The following PCSK6 variants were observed in gnomAD, a reference collection of about 807,000 sequenced individuals.
PCSK6 encodes the protein paired basic amino acid cleaving enzyme 4.
In PCSK6, 85 loss-of-function variants were observed where a neutral mutation model predicts 123.3. The ratio of observed to expected loss-of-function variants is 0.69; its 90% CI spans 0.58 to 0.83. PCSK6 has a LOEUF of 0.83. Ranked by LOEUF, PCSK6 falls within the 40% of genes least tolerant of loss-of-function variation. The probability of loss-of-function intolerance (pLI) is 0.00; values close to 1 mark genes in which losing one functional copy is unlikely to be tolerated. For missense variants in PCSK6, 1,191 were observed against 1,282.3 expected, an observed-to-expected ratio of 0.93 and a Z score of 1.09; for synonymous variants, 508 against 516.0, an observed-to-expected ratio of 0.98 and a Z score of 0.21.
intron 6 of PCSK6, among the ~76,000 whole-genome samples, chr15:101,409,929 T>A (rs1002456118): frequency 6.6e-6 from 1 of 152,092 alleles, no homozygotes; most frequent in African/African-American, 2.4e-5. Context: ...GCCTTCACAC[T>A]TTTTTGTTTG....
At chr15:101,316,910 G>GGTTTTTTTT (rs764846195) in intron 19 of PCSK6, among the ~76,000 whole-genome samples, 6 of 114,972 alleles carry the variant, frequency 5.2e-5, no homozygotes, top group Admixed American at 4.4e-4. Flanking sequence ...ACTTAATTCT[G>GGTTTTTTTT]TTTTTTTTTT....
intron 8 of PCSK6, among the ~76,000 whole-genome samples, chr15:101,391,659 G>A (rs372699758): frequency 3.3e-5 from 5 of 152,312 alleles, no homozygotes; most frequent in South Asian, 4.1e-4. Context: ...GAATGCAGGC[G>A]GACAGGGTTG....
chr15:101,307,266 G>A lies in PCSK6; in HGVS notation c.2759C>T (p.Thr920Met), dbSNP rs978131913. 13 of 1,613,710 alleles carry A rather than the reference G, an allele frequency of 8.1e-6. No homozygotes were observed. The highest frequency in any genetic ancestry group is 3.3e-5 in the Admixed American group (2 of 59,994). The change falls in exon 21 of 22, where the codon ACG (threonine) becomes ATG (methionine). Residue 920 changes from threonine to methionine, a missense_variant. Thr to Met is a moderately conservative substitution (Grantham distance 81). Coordinates refer to ENST00000611716, the MANE Select transcript of PCSK6 (RefSeq NM_002570.5). The part of the protein sequence containing the change: ...GSSRNCSRCK[T>M]GFTQLGTSCI... ...GGAGGTCCCCAGCTGTGTGAAGCCCGTCTTACACCTGCTACAGTTCCTGCT... is the reference window on the plus strand; with the variant it reads ...GGAGGTCCCCAGCTGTGTGAAGCCCATCTTACACCTGCTACAGTTCCTGCT...
chr15:101,387,203 C>T (rs2042089403), intron 9 of PCSK6, among the ~76,000 whole-genome samples: 2 of 152,222 alleles, frequency 1.3e-5, no homozygotes, highest in Admixed American at 1.3e-4. Context: ...TCCTGCGGCC[C>T]ACACGCCAAC....
At position 101,403,853 on chromosome 15, in the gene PCSK6, G is replaced by T. The variant is rs562115989; in HGVS notation, c.824-5277C>A. Among the ~76,000 whole-genome samples the T allele has an allele frequency of 2.5e-3, 388 of 152,258 alleles. 1 individual carries two copies. Among genetic ancestry groups the T allele is most frequent in the African/African-American group, 8.8e-3 (364 of 41,546 alleles). ...TCCTGCCTCAGCCAACCAAGTAGCTGGGATTACAGGCGCCCGCCACCACAC... is the reference window on the plus strand; with the variant it reads ...TCCTGCCTCAGCCAACCAAGTAGCTTGGATTACAGGCGCCCGCCACCACAC... On this transcript the variant is annotated intron_variant, in intron 6 of 21. Coordinates refer to ENST00000611716, the MANE Select transcript of PCSK6 (RefSeq NM_002570.5).
At chr15:101,357,925 A>C (rs1036485892) in intron 13 of PCSK6, among the ~76,000 whole-genome samples, 1 of 152,168 alleles carries the variant, frequency 6.6e-6, no homozygotes, top group African/African-American at 2.4e-5. Flanking sequence ...ATCCTCCCAG[A>C]GGCAGCAGGC....
chr15:101,423,016 C>A (rs1001596514), intron 6 of PCSK6, among the ~76,000 whole-genome samples: 8 of 152,014 alleles, frequency 5.3e-5, no homozygotes, highest in African/African-American at 1.9e-4. Context: ...TAGACATATG[C>A]AAAGAAAGAG....
chr15:101,364,300 A>C (rs904252449), intron 13 of PCSK6, among the ~76,000 whole-genome samples: 3 of 152,198 alleles, frequency 2.0e-5, no homozygotes, highest in Non-Finnish European at 4.4e-5. Context: ...CACATTCTGT[A>C]AACGTTACTA....
At chr15:101,389,421 C>T in intron 9 of PCSK6, 43 bp downstream of exon 9, 2 of 1,405,372 alleles carry the variant, frequency 1.4e-6, no homozygotes, top group Non-Finnish European at 1.9e-6. Context: ...TTACCACAAT[C>T]TAAACATTTT....
intron 11 of PCSK6, among the ~76,000 whole-genome samples, chr15:101,372,658 GGGTACGT>G (rs1206325431): frequency 6.6e-6 from 1 of 152,142 alleles, no homozygotes; most frequent in African/African-American, 2.4e-5. Flanking sequence ...AATGTAAGGT[GGGTACGT>G]TAGGGAGAAG....
At chr15:101,325,092 C>G in intron 16 of PCSK6, 46 bp from the exon 17 acceptor site, 1 of 1,448,884 alleles carries the variant, frequency 6.9e-7, no homozygotes, top group Non-Finnish European at 9.4e-7. Flanking sequence ...CAACCCAGCC[C>G]CAGCCCCAGG....
chr15:101,325,827 C>A (rs549761407), intron 16 of PCSK6, among the ~76,000 whole-genome samples: 21 of 152,366 alleles, frequency 1.4e-4, no homozygotes, highest in Non-Finnish European at 2.6e-4. Flanking sequence ...AACCGGGCAA[C>A]TGGCCATATA....
At position 101,384,354 on chromosome 15, in the gene PCSK6, C is replaced by T. The variant is rs2041998359; in HGVS notation, c.1382G>A (p.Ser461Asn). 1.9e-6 allele frequency: 3 copies of T among 1,613,886 alleles called. No individual in the cohort carries two copies. The African/African-American group carries it at 4.0e-5, about 22-fold the overall frequency. ...KTSRPAHLKA[S>N]DWKVNGAGHK... Reference sequence around the variant, plus strand: ...ACCCGCGCCGTTCACTTTCCAGTCGCTCGCTTTCAGGTGGGCCGGCCGGGA... The same window carrying T: ...ACCCGCGCCGTTCACTTTCCAGTCGTTCGCTTTCAGGTGGGCCGGCCGGGA... The change falls in exon 10 of 22, where the codon AGC (serine) becomes AAC (asparagine). Residue 461 changes from serine (S) to asparagine (N), a missense_variant. Around this residue, in one of 3 missense-constraint regions of PCSK6, gnomAD observed 357 missense variants for 484.5 expected, o/e 0.74. Coordinates refer to ENST00000611716, the MANE Select transcript of PCSK6 (RefSeq NM_002570.5).
At chr15:101,396,110 G>A (rs765253995) in intron 7 of PCSK6, among the ~76,000 whole-genome samples, 3 of 152,044 alleles carry the variant, frequency 2.0e-5, no homozygotes, top group Non-Finnish European at 4.4e-5. Context: ...AGACAGTTGC[G>A]ATTTAAGGTT....
Position 101,307,279 on chromosome 15 carries a change from T to C in PCSK6, c.2746A>G (p.Ser916Gly), listed in dbSNP as rs1431266648. The C allele has an allele frequency of 6.2e-7, 1 of 1,613,788 alleles. No homozygotes were observed. Among genetic ancestry groups the C allele is most frequent in the African/African-American group, 1.3e-5 (1 of 75,034 alleles). The part of the protein sequence containing the change: ...LSCAGSSRNC[S>G]RCKTGFTQLG... ...TGTGTGAAGCCCGTCTTACACCTGCTACAGTTCCTGCTGGAGCCTGCACAG... is the reference window on the plus strand; with the variant it reads ...TGTGTGAAGCCCGTCTTACACCTGCCACAGTTCCTGCTGGAGCCTGCACAG... The change falls in exon 21 of 22, where the codon AGC (serine) becomes GGC (glycine). Residue 916 changes from serine (S) to glycine (G), a missense_variant. Transcript: ENST00000611716.
Position 101,312,970 on chromosome 15 carries a change from A to G in PCSK6, c.2699+406T>C, listed in dbSNP as rs139390103. The G allele has an allele frequency of 2.3e-4, 243 of 1,073,808 alleles. 1 individual carries two copies. The East Asian group carries it at 0.015, about 66-fold the overall frequency. The allele number at this position is 1,073,808 out of a possible 1,614,324, so 66.5% of individuals were successfully genotyped here. On this transcript the variant is annotated intron_variant, in intron 20 of 21. Transcript: ENST00000611716. ...CAGTGAGCTGAGGTCACACCAGTGC[A>G]CTCCAGCCTGGGCGACAGAGTGAGA...
At chr15:101,450,635 T>C (rs536867274) in intron 1 of PCSK6, among the ~76,000 whole-genome samples, 1 of 152,282 alleles carries the variant, frequency 6.6e-6, no homozygotes, top group East Asian at 1.9e-4. Context: ...CAAATGACAT[T>C]GGGAGGATAC....
At chr15:101,464,593 C>G (rs2057412932) in intron 1 of PCSK6, among the ~76,000 whole-genome samples, 1 of 152,134 alleles carries the variant, frequency 6.6e-6, no homozygotes, top group South Asian at 2.1e-4. Flanking sequence ...ATCGAGCAGG[C>G]TGTGGTGGGG....
intron 2 of PCSK6, among the ~76,000 whole-genome samples, chr15:101,434,745 C>A (rs1174932296): frequency 6.6e-6 from 1 of 152,214 alleles, no homozygotes; most frequent in African/African-American, 2.4e-5. Context: ...GGCGTGGGGG[C>A]TTCTCCGTGG....
Sources: allele counts gnomAD v4.1 joint callset (sites outside exome capture counted in the v4.1 genomes callset), GRCh38; gene constraint gnomAD v4.1.1; regional missense constraint gnomAD v4.1.1; transcripts MANE v1.5; gene names NCBI Gene and HGNC (gene_info 2026-07-23, HGNC 2026-07-21).